Variants in FAM168A observed in about 807,000 individuals in gnomAD.
The protein encoded by FAM168A is family with sequence similarity 168 member A, also known as protein FAM168A.
FAM168A carries 3 observed loss-of-function variants against 28.5 expected under a neutral mutation model. The ratio of observed to expected loss-of-function variants is 0.11; its 90% confidence interval spans 0.05 to 0.27. FAM168A has a LOEUF of 0.27. FAM168A is among the 10% of genes least tolerant of loss of function. The probability of loss-of-function intolerance (pLI) is 1.00; values close to 1 mark genes in which losing one functional copy is unlikely to be tolerated. For synonymous variants in FAM168A, 122 were observed against 124.2 expected, an observed-to-expected ratio of 0.98 and a Z score of 0.12; for missense variants, 222 against 311.5, an observed-to-expected ratio of 0.71 and a Z score of 2.16.
intron 3 of FAM168A, among the ~76,000 whole-genome samples, chr11:73,428,603 A>T (rs1866929991): frequency 6.6e-6 from 1 of 152,198 alleles, no homozygotes; most frequent in Admixed American, 6.5e-5. Context: ...CATAGCACTT[A>T]AATTTAAGTC....
At chr11:73,527,782 A>G (rs1156369889) in intron 1 of FAM168A, among the ~76,000 whole-genome samples, 1 of 152,164 alleles carries the variant, frequency 6.6e-6, no homozygotes. Context: ...ACAAAACGAA[A>G]AAAAAAAGAC....
intron 1 of FAM168A, among the ~76,000 whole-genome samples, chr11:73,536,449 A>T (rs1039525689): frequency 1.3e-5 from 2 of 152,144 alleles, no homozygotes; most frequent in African/African-American, 4.8e-5. Flanking sequence ...GCACTGTGGG[A>T]GGCCGAAGTG....
At chr11:73,431,854 T>G (rs1049710531) in intron 2 of FAM168A, among the ~76,000 whole-genome samples, 1 of 152,228 alleles carries the variant, frequency 6.6e-6, no homozygotes, top group Non-Finnish European at 1.5e-5. Flanking sequence ...TACAATGTTA[T>G]GCAACTATCA....
chr11:73,454,869 C>T (rs768836588), intron 2 of FAM168A, among the ~76,000 whole-genome samples: 10 of 152,160 alleles, frequency 6.6e-5, no homozygotes, highest in Non-Finnish European at 1.5e-4. Context: ...CCACTTTCAT[C>T]GGCAATAAAA....
chr11:73,554,645 T>C (rs1355524279), intron 1 of FAM168A, among the ~76,000 whole-genome samples: 2 of 152,222 alleles, frequency 1.3e-5, no homozygotes, highest in Non-Finnish European at 2.9e-5. Context: ...TCAGGATTAA[T>C]TAAGATCATT....
At chr11:73,489,763 A>T (rs1868104429) in intron 1 of FAM168A, among the ~76,000 whole-genome samples, 1 of 152,136 alleles carries the variant, frequency 6.6e-6, no homozygotes, top group Non-Finnish European at 1.5e-5. Flanking sequence ...TGCCCGCCTC[A>T]GCTTCGCAAA....
intron 1 of FAM168A, among the ~76,000 whole-genome samples, chr11:73,483,016 T>C: frequency 6.6e-6 from 1 of 152,174 alleles, no homozygotes; most frequent in East Asian, 1.9e-4. Context: ...CTGGAATTAT[T>C]TGGCGCACCC....
chr11:73,464,858 T>C (rs769418068), intron 2 of FAM168A, among the ~76,000 whole-genome samples: 1 of 141,252 alleles, frequency 7.1e-6, no homozygotes, highest in Non-Finnish European at 1.5e-5. Flanking sequence ...CCTAACCCTG[T>C]TTTATCATTT....
At chr11:73,494,732 AG>A (rs1229698920) in intron 1 of FAM168A, among the ~76,000 whole-genome samples, 3 of 152,132 alleles carry the variant, frequency 2.0e-5, no homozygotes, top group African/African-American at 7.2e-5. Context: ...AGAAGAAGTT[AG>A]GTCATGCCTG....
At chr11:73,524,870 G>A (rs1943430552) in intron 1 of FAM168A, among the ~76,000 whole-genome samples, 1 of 152,178 alleles carries the variant, frequency 6.6e-6, no homozygotes, top group Non-Finnish European at 1.5e-5. Flanking sequence ...AAAGTGCTGG[G>A]ATTACAGGCA....
At chr11:73,515,545 T>C (rs1943291482) in intron 1 of FAM168A, among the ~76,000 whole-genome samples, 2 of 150,168 alleles carry the variant, frequency 1.3e-5, no homozygotes, top group African/African-American at 4.9e-5. Flanking sequence ...CAACTATCTA[T>C]TAATTAATTT....
intron 1 of FAM168A, among the ~76,000 whole-genome samples, chr11:73,564,870 A>C (rs1192209439): frequency 6.6e-6 from 1 of 152,030 alleles, no homozygotes; most frequent in East Asian, 1.9e-4. Flanking sequence ...TCCAGGAAAA[A>C]AAAAAAGGAA....
At chr11:73,484,902 A>T (rs1045147190) in intron 1 of FAM168A, among the ~76,000 whole-genome samples, 6 of 151,882 alleles carry the variant, frequency 4.0e-5, no homozygotes, top group African/African-American at 1.5e-4. Context: ...CCAGCAAGGG[A>T]GAAAGATGTA....
At chr11:73,509,306 C>T (rs1282853449) in intron 1 of FAM168A, among the ~76,000 whole-genome samples, 2 of 152,170 alleles carry the variant, frequency 1.3e-5, no homozygotes, top group African/African-American at 2.4e-5. Flanking sequence ...CTGTTAAAAA[C>T]CTTATCATTT....
At chr11:73,490,446 T>G (rs562863460) in intron 1 of FAM168A, among the ~76,000 whole-genome samples, 40 of 152,346 alleles carry the variant, frequency 2.6e-4, no homozygotes, top group Non-Finnish European at 5.0e-4. Context: ...TACTAGGATC[T>G]AGAAAACCAA....
At chr11:73,579,868 T>C (rs1944223460) in intron 1 of FAM168A, among the ~76,000 whole-genome samples, 1 of 152,218 alleles carries the variant, frequency 6.6e-6, no homozygotes, top group South Asian at 2.1e-4. Context: ...GTTCAGCTGG[T>C]TGCTATCCAA....
At chr11:73,423,763 T>C (rs958005190) in intron 3 of FAM168A, among the ~76,000 whole-genome samples, 1 of 152,230 alleles carries the variant, frequency 6.6e-6, no homozygotes, top group Non-Finnish European at 1.5e-5. Context: ...CTGTACTTGA[T>C]GGCATGTCTT....
chr11:73,521,749 A>G (rs1308799536), intron 1 of FAM168A, among the ~76,000 whole-genome samples: 1 of 152,178 alleles, frequency 6.6e-6, no homozygotes, highest in Non-Finnish European at 1.5e-5. Context: ...CAGGATACTG[A>G]CTCATCCTGA....
chr11:73,529,468 C>T (rs930837895), intron 1 of FAM168A, among the ~76,000 whole-genome samples: 4 of 152,162 alleles, frequency 2.6e-5, no homozygotes, highest in Non-Finnish European at 5.9e-5. Flanking sequence ...CTGAGGAGTA[C>T]ACTATGTGCA....
Sources: gnomAD v4.1 joint callset for allele counts (sites outside exome capture counted in the v4.1 genomes callset) on GRCh38, gnomAD v4.1.1 for gene constraint, MANE v1.5 for transcripts, NCBI Gene and HGNC (gene_info 2026-07-23, HGNC 2026-07-21) for gene names.